C2: variants seen among roughly 807,000 people sequenced by gnomAD.
The protein encoded by C2 is complement C2, also known as C3/C5 convertase.
In C2, 64 loss-of-function variants were observed where a neutral mutation model predicts 85.2. The observed-to-expected ratio is 0.75, with a 90% CI of 0.61 to 0.92. The LOEUF is 0.92. Ranked by LOEUF, C2 falls within the 40% of genes least tolerant of loss-of-function variation. The pLI, the probability that C2 is intolerant of heterozygous loss-of-function variation, is 0.00. For missense variants in C2, 820 were observed against 971.6 expected, an observed-to-expected ratio of 0.84 and a Z score of 2.07; for synonymous variants, 311 against 370.8, an observed-to-expected ratio of 0.84 and a Z score of 1.85.
upstream of C2, among the ~76,000 whole-genome samples, chr6:31,918,477 C>T (rs768157997): frequency 1.2e-4 from 18 of 151,848 alleles, no homozygotes; most frequent in Non-Finnish European, 1.8e-4. Context: ...TGCTTCTTGT[C>T]CCAGCTTCTT....
Position 31,927,779 on chromosome 6 carries a change from C to T in C2, c.27C>T (p.Cys9=), listed in dbSNP as rs1769370848. The T allele has an allele frequency of 6.2e-7, 1 of 1,613,570 alleles. No homozygotes were observed. The highest frequency in any genetic ancestry group is 8.5e-7 in the Non-Finnish European group (1 of 1,180,010). Residue 9 remains cysteine, a synonymous_variant, in exon 1 of 18, where the codon TGC becomes TGT. Transcript: ENST00000299367. The surrounding 1 kb of genome is among the most constrained non-coding windows in gnomAD (Gnocchi z 4.7). MGPLMVLF[C]LLFLYPGLAD... ...TGGGCCCACTGATGGTTCTTTTTTG[C>T]CTGCTGTTCCTGTACCCAGGTAGGA...
chr6:31,937,568 T>A, intron 8 of C2, 109 bp downstream of exon 8: 1 of 1,385,052 alleles, frequency 7.2e-7, no homozygotes, highest in South Asian at 1.2e-5. Flanking sequence ...TGGGCCCCAG[T>A]TTTGTTTTTG....
At chr6:31,933,278 A>G (rs1770076019) in intron 3 of C2, among the ~76,000 whole-genome samples, 1 of 152,218 alleles carries the variant, frequency 6.6e-6, no homozygotes, top group African/African-American at 2.4e-5. Flanking sequence ...AGAGGCTGAG[A>G]AAGTTTCACC....
At chr6:31,909,447 A>G (rs1431676216) in intron 1 of C2, among the ~76,000 whole-genome samples, 1 of 151,752 alleles carries the variant, frequency 6.6e-6, no homozygotes, top group African/African-American at 2.4e-5. Flanking sequence ...ATGCACCACC[A>G]TGCCTGGCTA....
Position 31,944,578 on chromosome 6 carries a change from G to C in C2, c.1903-149G>C. The C allele has an allele frequency of 1.1e-6, 1 of 876,852 alleles. No individual in the cohort carries two copies. Among genetic ancestry groups the C allele is most frequent in the Non-Finnish European group, 1.9e-6 (1 of 523,110 alleles). 54.3% of individuals were successfully genotyped at this position (876,852 alleles called of 1,614,324 possible). On this transcript the variant is annotated intron_variant, in intron 15 of 17. Coordinates refer to ENST00000299367, the MANE Select transcript of C2 (RefSeq NM_000063.6). This position sits in a 1 kb window ranked among gnomAD's most constrained non-coding sequence, Gnocchi z 5.1. ...GTATTTTTAGTAGAGACGGGATTTC[G>C]CCATGTTGGCCAGGATGGTCTTGAA...
Position 31,945,210 on chromosome 6 carries a change from C to A in C2, c.2112C>A (p.Pro704=). The A allele has an allele frequency of 6.2e-7, 1 of 1,612,950 alleles. No homozygotes were observed. The highest frequency in any genetic ancestry group is 8.5e-7 in the Non-Finnish European group (1 of 1,180,008). ...TGGTGAGCTGGGGTCTTTACAACCC[C>A]TGCCTTGGCTCTGCTGACAAAAACT... ...VGLVSWGLYN[P]CLGSADKNSR... The change falls in exon 18 of 18, where the codon CCC becomes CCA. Residue 704 remains proline (P), a synonymous_variant. Transcript: ENST00000299367. This position sits in a 1 kb window ranked among gnomAD's most constrained non-coding sequence, Gnocchi z 5.3.
chr6:31,927,513 T>C (rs1288582935), upstream of C2: 1 of 1,437,874 alleles, frequency 7.0e-7, no homozygotes, highest in African/African-American at 1.4e-5. The surrounding 1 kb of genome is among the most constrained non-coding windows in gnomAD (Gnocchi z 4.7). Context: ...GTGGGGGAGA[T>C]CTATTGACCC....
intron 1 of C2, among the ~76,000 whole-genome samples, chr6:31,914,143 C>G (rs1218731284): frequency 1.3e-5 from 2 of 151,810 alleles, no homozygotes; most frequent in Non-Finnish European, 2.9e-5. Flanking sequence ...AATCTCATGA[C>G]CTTGTGATCC....
At chr6:31,928,250 T>A in intron 2 of C2, 86 bp downstream of exon 2, 2 of 1,250,676 alleles carry the variant, frequency 1.6e-6, no homozygotes, top group Non-Finnish European at 2.3e-6. Flanking sequence ...GGGTGGGACT[T>A]AACCTGACTA....
In C2 at chr6:31,929,717, C is replaced by CAAA. The variant is rs9279455; in HGVS notation, c.442+822_442+824dup. On this transcript the variant is annotated intron_variant, in intron 3 of 17. Transcript: ENST00000299367. The stretch of plus-strand genomic sequence containing the variant: ...TGAGTGACAGAGTAAGACTCTGTCT[C>CAAA]AAAAAAAAAAAAAAAAAAAAAAAAT... 6.1e-3 allele frequency among the ~76,000 whole-genome samples: 261 copies of CAAA among 42,524 alleles called. 3 individuals are homozygous for CAAA. The highest frequency in any genetic ancestry group is 9.2e-3 in the Non-Finnish European group (228 of 24,850). The allele number at this position is 42,524 out of a possible 152,430, so 27.9% of individuals were successfully genotyped here. A position where few individuals can be genotyped will look rare whatever the true frequency, so the allele number is the denominator to read the frequency against.
chr6:31,909,407 T>C (rs1394270742), intron 1 of C2, among the ~76,000 whole-genome samples: 1 of 151,768 alleles, frequency 6.6e-6, no homozygotes, highest in Non-Finnish European at 1.5e-5. Context: ...GCCTCCCGCC[T>C]TAGCCTCCCG....
rs9332719 is a variant in C2, at chr6:31,933,606, G to A, written c.443-4G>A. On this transcript the variant is annotated splice_region_variant and splice_polypyrimidine_tract_variant and intron_variant, in intron 3 of 17. Coordinates refer to ENST00000299367, the MANE Select transcript of C2 (RefSeq NM_000063.6). Reference sequence around the variant, plus strand: ...CACCTCTGCCTTCCTTTGTTCACTCGCAGCTGGCCACTGCCCCAACCCAGG... The same window carrying A: ...CACCTCTGCCTTCCTTTGTTCACTCACAGCTGGCCACTGCCCCAACCCAGG... 1,121 of 1,612,984 alleles carry A rather than the reference G, an allele frequency of 6.9e-4. 14 individuals are homozygous for A. The African/African-American group carries it at 0.013, about 19-fold the overall frequency.
chr6:31,915,163 A>G (rs1768418566), upstream of C2, among the ~76,000 whole-genome samples: 3 of 152,178 alleles, frequency 2.0e-5, no homozygotes, highest in South Asian at 6.2e-4. Context: ...CTGAAATGCA[A>G]ATCAAATCAT....
At chr6:31,937,245 A>C in intron 7 of C2, 74 bp from the exon 8 acceptor site, 1 of 1,454,146 alleles carries the variant, frequency 6.9e-7, no homozygotes, top group Non-Finnish European at 9.6e-7. Flanking sequence ...TAATTGGGGG[A>C]ATAGAGTGAT....
intron 1 of C2, among the ~76,000 whole-genome samples, chr6:31,906,690 C>A (rs1179805347): frequency 2.0e-5 from 3 of 151,880 alleles, no homozygotes; most frequent in Non-Finnish European, 4.4e-5. Context: ...GCCTGTGATA[C>A]CTGCCTGGAT....
intron 3 of C2, 105 bp from the exon 4 acceptor site, chr6:31,933,505 C>G: frequency 8.3e-7 from 1 of 1,200,934 alleles, no homozygotes; most frequent in Non-Finnish European, 1.2e-6. Context: ...TGGGTGCATC[C>G]CTGGGTTGGA....
chr6:31,938,372 A>G (rs1770588202), intron 8 of C2, among the ~76,000 whole-genome samples: 1 of 151,758 alleles, frequency 6.6e-6, no homozygotes, highest in African/African-American at 2.4e-5. Flanking sequence ...ATGAGAATTA[A>G]ATGAGTTAAA....
Position 31,937,424 on chromosome 6 carries a change from A to G in C2, c.1094A>G (p.Gln365Arg). 6.2e-7 allele frequency: 1 copy of G among 1,612,854 alleles called. No homozygotes were observed. The highest frequency in any genetic ancestry group is 8.5e-7 in the Non-Finnish European group (1 of 1,179,992). ...RLLGMETMAW[Q>R]EIRHAIILLT... ...CTCGGCATGGAAACGATGGCCTGGC[A>G]GGAAATCCGACATGCCATCATCCTT... The change falls in exon 8 of 18, where the codon CAG becomes CGG. Residue 365 changes from glutamine to arginine, a missense_variant. By Grantham distance (43) the Gln-to-Arg change is conservative (BLOSUM62 1). Transcript: ENST00000299367.
chr6:31,905,515 C>T (rs2844454), intron 1 of C2, among the ~76,000 whole-genome samples: 3,701 of 151,868 alleles, frequency 0.024, 84 homozygotes, highest in Non-Finnish European at 0.041. Flanking sequence ...GCCTGTAATC[C>T]CAGCACTTTG....
Sources: allele counts gnomAD v4.1 joint callset (sites outside exome capture counted in the v4.1 genomes callset), GRCh38; gene constraint gnomAD v4.1.1; non-coding constraint Gnocchi (gnomAD v3.1); transcripts MANE v1.5; gene names NCBI Gene and HGNC (gene_info 2026-07-23, HGNC 2026-07-21).